The following TMEM132B variants were observed in gnomAD, a reference collection of about 807,000 sequenced individuals.
TMEM132B encodes transmembrane protein 132B.
In TMEM132B, 18 loss-of-function variants were observed where a neutral mutation model predicts 90.8. The ratio of observed to expected loss-of-function variants is 0.20; its 90% CI spans 0.14 to 0.29. The LOEUF (loss-of-function observed/expected upper bound fraction) is 0.29, where lower values mean the gene tolerates loss of function less well. TMEM132B is among the 10% of genes least tolerant of loss of function. TMEM132B has a pLI of 1.00. For missense variants in TMEM132B, 1,096 were observed against 1,326.8 expected (o/e 0.83, Z 2.70); for synonymous variants, 504 against 523.3 (o/e 0.96, Z 0.50).
At chr12:125,228,716 G>A (rs1172952295) in intron 1 of TMEM132B, among the ~76,000 whole-genome samples, 1 of 152,182 alleles carries the variant, frequency 6.6e-6, no homozygotes, top group African/African-American at 2.4e-5. Flanking sequence ...CACAGCGGCC[G>A]ACCCCCTGTT....
intron 1 of TMEM132B, among the ~76,000 whole-genome samples, chr12:125,330,794 C>T (rs1466820359): frequency 6.6e-6 from 1 of 152,192 alleles, no homozygotes; most frequent in Non-Finnish European, 1.5e-5. Context: ...AACCAAGCTG[C>T]ACTTGGGGAG....
At position 125,633,855 on chromosome 12, in the gene TMEM132B, A is replaced by G. The variant is rs150973653; in HGVS notation, c.1438-10221A>G. On this transcript the variant is annotated intron_variant, in intron 5 of 8. Coordinates refer to ENST00000682704, the MANE Select transcript of TMEM132B (RefSeq NM_001366854.1). Reference sequence around the variant, plus strand: ...AAGCACCCCTGTGGCCACTCCCACTATGACTGTGCTGGATCAGACCTGAAG... The same window carrying G: ...AAGCACCCCTGTGGCCACTCCCACTGTGACTGTGCTGGATCAGACCTGAAG... 2.8e-4 allele frequency among the ~76,000 whole-genome samples: 43 copies of G among 152,314 alleles called. No individual in the cohort carries two copies. The East Asian group carries it at 8.1e-3, about 29-fold the overall frequency.
intron 1 of TMEM132B, among the ~76,000 whole-genome samples, chr12:125,347,310 G>A (rs1877396163): frequency 6.6e-6 from 1 of 152,196 alleles, no homozygotes; most frequent in African/African-American, 2.4e-5. Context: ...TTGGAGGAAT[G>A]AATAAGTAAT....
At chr12:125,430,714 G>T (rs1232446481) in intron 3 of TMEM132B, among the ~76,000 whole-genome samples, 2 of 152,182 alleles carry the variant, frequency 1.3e-5, no homozygotes, top group Admixed American at 1.3e-4. Flanking sequence ...TCCTGTTTTG[G>T]GTTCTGGGAA....
At chr12:125,261,833 A>G (rs1358554281) in intron 1 of TMEM132B, among the ~76,000 whole-genome samples, 2 of 152,086 alleles carry the variant, frequency 1.3e-5, no homozygotes, top group Admixed American at 6.6e-5. Flanking sequence ...GAGATGAAAA[A>G]TGATGCCCAC....
At chr12:125,342,548 A>T (rs1258400827) in intron 1 of TMEM132B, among the ~76,000 whole-genome samples, 3 of 152,222 alleles carry the variant, frequency 2.0e-5, no homozygotes, top group African/African-American at 7.2e-5. Flanking sequence ...AAGGGAAGAT[A>T]GAGGCAACTG....
chr12:125,199,092 G>A (rs1161705583), intron 1 of TMEM132B, among the ~76,000 whole-genome samples: 1 of 152,236 alleles, frequency 6.6e-6, no homozygotes, highest in Non-Finnish European at 1.5e-5. Context: ...TGTGTGTGCT[G>A]TTTCAGAGGC....
At chr12:125,614,660 A>T (rs752188240) in intron 5 of TMEM132B, among the ~76,000 whole-genome samples, 37 of 152,298 alleles carry the variant, frequency 2.4e-4, no homozygotes, top group Middle Eastern at 3.4e-3. Context: ...AAAAAAGAGA[A>T]CACTTTTAGT....
chr12:125,281,188 A>G (rs1333850328), intron 1 of TMEM132B, among the ~76,000 whole-genome samples: 1 of 152,114 alleles, frequency 6.6e-6, no homozygotes, highest in African/African-American at 2.4e-5. Flanking sequence ...AGGAGGGAAG[A>G]GGTTGGCAGA....
chr12:125,473,478 C>A (rs1434184657), intron 3 of TMEM132B, among the ~76,000 whole-genome samples: 3 of 152,226 alleles, frequency 2.0e-5, no homozygotes, highest in African/African-American at 7.2e-5. Context: ...TTCCCAGCAG[C>A]TATCAAAGTG....
At position 125,441,408 on chromosome 12, in the gene TMEM132B, C is replaced by G. The variant is rs570274308; in HGVS notation, c.1106+25731C>G. ...TGTAAAACACCCATTATAAATAAACCTTAGTACCTCCGTGATAAATACACA... is the reference window on the plus strand; with the variant it reads ...TGTAAAACACCCATTATAAATAAACGTTAGTACCTCCGTGATAAATACACA... On this transcript the variant is annotated intron_variant, in intron 3 of 8. Transcript: ENST00000682704. Among the ~76,000 whole-genome samples the G allele has an allele frequency of 3.0e-3, 450 of 152,210 alleles. 1 individual carries two copies. Among genetic ancestry groups the G allele is most frequent in the African/African-American group, 0.01 (424 of 41,528 alleles).
intron 5 of TMEM132B, among the ~76,000 whole-genome samples, chr12:125,640,299 A>C (rs1886596443): frequency 6.6e-6 from 1 of 152,228 alleles, no homozygotes; most frequent in Non-Finnish European, 1.5e-5. Flanking sequence ...GATTTCCTGA[A>C]GAAAACCTTA....
At chr12:125,547,463 C>G (rs1884121598) in intron 4 of TMEM132B, among the ~76,000 whole-genome samples, 1 of 152,006 alleles carries the variant, frequency 6.6e-6, no homozygotes, top group African/African-American at 2.4e-5. Flanking sequence ...CTGTTCAGAT[C>G]TTTTGCTCGT....
intron 3 of TMEM132B, among the ~76,000 whole-genome samples, chr12:125,466,400 AAT>A (rs1294719783): frequency 6.6e-6 from 1 of 152,226 alleles, no homozygotes; most frequent in Non-Finnish European, 1.5e-5. Context: ...GGGAAAATGA[AAT>A]ACAGACCTTT....
intron 2 of TMEM132B, among the ~76,000 whole-genome samples, chr12:125,385,819 A>G (rs1375905028): frequency 6.6e-6 from 1 of 152,192 alleles, no homozygotes; most frequent in African/African-American, 2.4e-5. Flanking sequence ...TAGTTCAACA[A>G]ATATTTGAGT....
Position 125,350,041 on chromosome 12 carries a change from G to A in TMEM132B, c.657G>A (p.Thr219=), listed in dbSNP as rs1161009957. 3 of 1,614,068 alleles carry A rather than the reference G, an allele frequency of 1.9e-6. No individual in the cohort carries two copies. Among genetic ancestry groups the A allele is most frequent in the East Asian group, 2.2e-5 (1 of 44,892 alleles). The change falls in exon 2 of 9, where the codon ACG becomes ACA. Residue 219 remains threonine (T), a synonymous_variant. Coordinates refer to ENST00000682704, the MANE Select transcript of TMEM132B (RefSeq NM_001366854.1). Reference sequence around the variant, plus strand: ...TCCCAGCCCTGCTCGGGGGCACCACGATGGAGCTCTTCTTCACGCTCTACC... The same window carrying A: ...TCCCAGCCCTGCTCGGGGGCACCACAATGGAGCTCTTCTTCACGCTCTACC... ...EEIPALLGGT[T]MELFFTLYPA...
rs1211898576 is a variant in TMEM132B, at chr12:125,654,274, G to A, written c.2816G>A (p.Ser939Asn). The A allele has an allele frequency of 2.5e-6, 4 of 1,613,768 alleles. No homozygotes were observed. The highest frequency in any genetic ancestry group is 3.4e-6 in the Non-Finnish European group (4 of 1,180,036). Residue 939 changes from serine to asparagine, a missense_variant, in exon 9 of 9, where the codon AGT (serine) becomes AAT (asparagine). Transcript: ENST00000682704. The surrounding 1 kb of genome is among the most constrained non-coding windows in gnomAD (Gnocchi z 5.8). The part of the protein sequence containing the change: ...WKYRHKRFAV[S>N]EQGNIPHSHD... ...TACAGACACAAAAGGTTTGCTGTGA[G>A]TGAGCAGGGCAACATCCCCCATTCC... is the stretch of plus-strand genomic sequence containing the variant.
chr12:125,298,275 T>C (rs116561419), intron 1 of TMEM132B, among the ~76,000 whole-genome samples: 1,942 of 151,074 alleles, frequency 0.013, 48 homozygotes, highest in African/African-American at 0.043. Flanking sequence ...CAAAACAAAA[T>C]GAAAACAAAA....
intron 2 of TMEM132B, among the ~76,000 whole-genome samples, chr12:125,386,429 T>A (rs183008798): frequency 6.3e-4 from 96 of 152,376 alleles, no homozygotes; most frequent in African/African-American, 2.2e-3. Flanking sequence ...ACCATTGGTG[T>A]TTTATGAATT....
Sources: allele counts gnomAD v4.1 joint callset (sites outside exome capture counted in the v4.1 genomes callset), GRCh38; gene constraint gnomAD v4.1.1; non-coding constraint Gnocchi (gnomAD v3.1); transcripts MANE v1.5; gene names NCBI Gene and HGNC (gene_info 2026-07-23, HGNC 2026-07-21).